DNAJC27: variants seen among roughly 807,000 people sequenced by gnomAD.
DNAJC27 encodes the protein DnaJ heat shock protein family (Hsp40) member C27.
Under a neutral mutation model 31.4 loss-of-function variants are expected in DNAJC27, and 25 were observed. The ratio of observed to expected loss-of-function variants is 0.80; its 90% confidence interval spans 0.58 to 1.11. The LOEUF is 1.11. DNAJC27 is among the 50% of genes most tolerant of loss of function. DNAJC27 has a pLI of 0.00. For synonymous variants in DNAJC27, 106 were observed against 112.7 expected (o/e 0.94, Z 0.37); for missense variants, 356 against 347.3 (o/e 1.02, Z -0.20).
intron 5 of DNAJC27, among the ~76,000 whole-genome samples, chr2:24,952,680 TA>T (rs59629202): frequency 1.3e-4 from 20 of 148,228 alleles, no homozygotes; most frequent in East Asian, 2.0e-4. Flanking sequence ...CAACCGTTGT[TA>T]AAAAAAAAAG....
At chr2:24,959,486 T>C (rs566302191) in intron 3 of DNAJC27, among the ~76,000 whole-genome samples, 1 of 152,314 alleles carries the variant, frequency 6.6e-6, no homozygotes, top group African/African-American at 2.4e-5. Flanking sequence ...AAATTCAATA[T>C]GCACACAGGA....
At chr2:24,962,385 A>T (rs1338557059) in intron 3 of DNAJC27, among the ~76,000 whole-genome samples, 1 of 152,130 alleles carries the variant, frequency 6.6e-6, no homozygotes, top group Non-Finnish European at 1.5e-5. Context: ...CCTCCCAGGA[A>T]GCTGGGATTA....
intron 1 of DNAJC27, among the ~76,000 whole-genome samples, chr2:24,969,877 G>C (rs1057043606): frequency 6.6e-6 from 1 of 151,752 alleles, no homozygotes; most frequent in Non-Finnish European, 1.5e-5. Flanking sequence ...TTTTCATGAA[G>C]ACTTTAGTAG....
chr2:24,967,322 G>A, intron 1 of DNAJC27, 29 bp from the exon 2 acceptor site: 2 of 1,398,618 alleles, frequency 1.4e-6, no homozygotes, highest in South Asian at 1.2e-5. Context: ...CAGGCATTTA[G>A]TAAATACATA....
At chr2:24,963,098 G>T (rs1411507106) in intron 3 of DNAJC27, 1 of 290,884 alleles carries the variant, frequency 3.4e-6, no homozygotes, top group Non-Finnish European at 6.5e-6. Flanking sequence ...AAGCATAAAT[G>T]TAATTATTTT....
At chr2:24,950,942 A>G (rs948153464) in intron 6 of DNAJC27, among the ~76,000 whole-genome samples, 1 of 152,224 alleles carries the variant, frequency 6.6e-6, no homozygotes, top group African/African-American at 2.4e-5. Context: ...TCAAACATAC[A>G]GTGTTCCAGG....
chr2:24,956,427 G>T (rs143098362), intron 5 of DNAJC27, among the ~76,000 whole-genome samples: 1 of 152,008 alleles, frequency 6.6e-6, no homozygotes, highest in African/African-American at 2.4e-5. Flanking sequence ...TGATGTGAGC[G>T]CCTCCCTCTA....
chr2:24,954,767 C>G (rs375486782), intron 5 of DNAJC27, among the ~76,000 whole-genome samples: 1 of 152,116 alleles, frequency 6.6e-6, no homozygotes, highest in African/African-American at 2.4e-5. Context: ...GAAACCCTGT[C>G]TCTACTAAAA....
At chr2:24,963,213 C>T (rs559474779) in intron 3 of DNAJC27, 192 bp downstream of exon 3, 34 of 406,900 alleles carry the variant, frequency 8.4e-5, no homozygotes, top group African/African-American at 5.1e-4. Context: ...AATTTCCTAC[C>T]ACTATTTAAC....
At chr2:24,967,608 G>A (rs1047827766) in intron 1 of DNAJC27, among the ~76,000 whole-genome samples, 1 of 151,932 alleles carries the variant, frequency 6.6e-6, no homozygotes, top group Non-Finnish European at 1.5e-5. Context: ...GCTGAGGCAG[G>A]AGAATTGTGT....
chr2:24,951,668 T>A, intron 5 of DNAJC27, 114 bp from the exon 6 acceptor site: 1 of 791,350 alleles, frequency 1.3e-6, no homozygotes, highest in Non-Finnish European at 1.8e-6. Flanking sequence ...AGAAGTCATG[T>A]ATAAAGCAAA....
rs1402236696 is a variant in DNAJC27 at position 24,947,066 on chromosome 2, T to C, written c.*550A>G. 1.3e-5 allele frequency: 2 copies of C among 152,402 alleles called. No homozygotes were observed. The highest frequency in any genetic ancestry group is 2.9e-5 in the Non-Finnish European group (2 of 68,192). 9.4% of individuals were successfully genotyped at this position (152,402 alleles called of 1,614,324 possible). On this transcript the variant is annotated 3_prime_UTR_variant, in exon 7 of 7. Transcript: ENST00000264711. ...ATGCTCAATTCAGAACTGTATCACCTCATTTTACAAACTCCCAAAGGGCTG... is the reference window on the plus strand; with the variant it reads ...ATGCTCAATTCAGAACTGTATCACCCCATTTTACAAACTCCCAAAGGGCTG...
At chr2:24,964,786 T>A (rs1193740265) in intron 2 of DNAJC27, among the ~76,000 whole-genome samples, 1 of 152,124 alleles carries the variant, frequency 6.6e-6, no homozygotes, top group Admixed American at 6.5e-5. Context: ...AATTCTCACA[T>A]CTTAGATAAA....
intron 1 of DNAJC27, chr2:24,969,218 T>C: frequency 4.8e-6 from 1 of 208,064 alleles, no homozygotes. Flanking sequence ...CATGTGAGTC[T>C]CTCAAGAACC....
chr2:24,959,252 C>A (rs1014173993), intron 3 of DNAJC27, among the ~76,000 whole-genome samples: 1 of 152,110 alleles, frequency 6.6e-6, no homozygotes, highest in Non-Finnish European at 1.5e-5. Flanking sequence ...ACCAACTCCC[C>A]TTCTCTCTAT....
At chr2:24,971,469 C>T in intron 1 of DNAJC27, 1 of 181,464 alleles carries the variant, frequency 5.5e-6, no homozygotes, top group East Asian at 1.4e-4. Context: ...AACTTTCATC[C>T]TCCATCTCCC....
chr2:24,967,522 G>A (rs914791527), intron 1 of DNAJC27, among the ~76,000 whole-genome samples: 1 of 152,052 alleles, frequency 6.6e-6, no homozygotes, highest in Non-Finnish European at 1.5e-5. Context: ...CCAACATGGC[G>A]AAACCCCGTC....
At chr2:24,965,528 T>C (rs1233574195) in intron 2 of DNAJC27, among the ~76,000 whole-genome samples, 1 of 152,162 alleles carries the variant, frequency 6.6e-6, no homozygotes, top group Non-Finnish European at 1.5e-5. Context: ...AGTGCTAGGA[T>C]TACAGGCATG....
At position 24,943,778 on chromosome 2, in the gene DNAJC27, C is replaced by T. The variant is rs191683185; in HGVS notation, c.*3838G>A. On this transcript the variant is annotated 3_prime_UTR_variant, in exon 7 of 7. Coordinates refer to ENST00000264711, the MANE Select transcript of DNAJC27 (RefSeq NM_016544.3). ...AAATATGTAAATTACCTTGTAAGAGCAAAGAGTTCATTTATAGACTCTGCT... is the reference window on the plus strand; with the variant it reads ...AAATATGTAAATTACCTTGTAAGAGTAAAGAGTTCATTTATAGACTCTGCT... The T allele has an allele frequency of 6.5e-6, 1 of 152,716 alleles. No homozygotes were observed. Among genetic ancestry groups the T allele is most frequent in the African/African-American group, 2.4e-5 (1 of 41,556 alleles). 9.5% of individuals were successfully genotyped at this position (152,716 alleles called of 1,614,324 possible).
Sources: allele counts gnomAD v4.1 joint callset (sites outside exome capture counted in the v4.1 genomes callset), GRCh38; gene constraint gnomAD v4.1.1; transcripts MANE v1.5; gene names NCBI Gene and HGNC (gene_info 2026-07-23, HGNC 2026-07-21).